Variants in CNTNAP2 observed in about 807,000 individuals in gnomAD.
CNTNAP2 encodes contactin associated protein 2.
In CNTNAP2, 98 loss-of-function variants were observed where a neutral mutation model predicts 155.2. That is an observed-to-expected ratio of 0.63 (90% CI 0.54 to 0.75). CNTNAP2 has a LOEUF of 0.75. Ranked by LOEUF, CNTNAP2 falls within the 30% of genes least tolerant of loss-of-function variation. The pLI, the probability that CNTNAP2 is intolerant of heterozygous loss-of-function variation, is 0.00. For missense variants in CNTNAP2, 1,727 were observed against 1,688.1 expected, an observed-to-expected ratio of 1.02 and a Z score of -0.40; for synonymous variants, 651 against 631.2, an observed-to-expected ratio of 1.03 and a Z score of -0.47.
At chr7:148,065,545 T>A (rs570838636) in intron 15 of CNTNAP2, among the ~76,000 whole-genome samples, 40 of 152,342 alleles carry the variant, frequency 2.6e-4, no homozygotes, top group African/African-American at 7.5e-4. Context: ...ATAATGTACC[T>A]CTTCGTCTTT....
intron 13 of CNTNAP2, among the ~76,000 whole-genome samples, chr7:147,791,451 C>CT (rs1240752761): frequency 0.034 from 4,501 of 131,878 alleles, 204 homozygotes; most frequent in African/African-American, 0.12. Flanking sequence ...GTCTCTCTCT[C>CT]TCTTTTTTTT....
At position 148,136,016 on chromosome 7, in the gene CNTNAP2, G is replaced by T. The variant is rs1804937253; in HGVS notation, c.2555-11475G>T. Among the ~76,000 whole-genome samples, 3 of 53,732 alleles carry T rather than the reference G, an allele frequency of 5.6e-5. No individual in the cohort carries two copies. The South Asian group carries it at 2.7e-3, about 49-fold the overall frequency. 35.3% of individuals were successfully genotyped at this position (53,732 alleles called of 152,430 possible). Reference sequence around the variant, plus strand: ...GGAAGGAAGGAAGGAAGGAAGGAAGGAAGGGAGGGAGGGAGGGAGGGAGGG... The same window carrying T: ...GGAAGGAAGGAAGGAAGGAAGGAAGTAAGGGAGGGAGGGAGGGAGGGAGGG... On this transcript the variant is annotated intron_variant, in intron 16 of 23. Transcript: ENST00000361727.
At chr7:147,673,763 A>G (rs1337917826) in intron 13 of CNTNAP2, among the ~76,000 whole-genome samples, 2 of 152,186 alleles carry the variant, frequency 1.3e-5, no homozygotes, top group Non-Finnish European at 2.9e-5. Context: ...CTGAAATGAG[A>G]CTGTGTTTTC....
chr7:147,344,719 T>G (rs1795820389), intron 9 of CNTNAP2, among the ~76,000 whole-genome samples: 2 of 152,196 alleles, frequency 1.3e-5, no homozygotes, highest in African/African-American at 4.8e-5. Flanking sequence ...TTGTCTTAGT[T>G]CTTTAAAGGA....
At chr7:146,463,090 G>C (rs1796662979) in intron 1 of CNTNAP2, among the ~76,000 whole-genome samples, 1 of 151,668 alleles carries the variant, frequency 6.6e-6, no homozygotes, top group South Asian at 2.1e-4. Context: ...AAGTATTAGA[G>C]GATAAATGGG....
At chr7:146,204,929 T>G (rs913260611) in intron 1 of CNTNAP2, among the ~76,000 whole-genome samples, 1 of 151,972 alleles carries the variant, frequency 6.6e-6, no homozygotes, top group African/African-American at 2.4e-5. Context: ...AAAATATACT[T>G]CCCTAAAAGA....
At chr7:146,469,340 G>A (rs1245612611) in intron 1 of CNTNAP2, among the ~76,000 whole-genome samples, 1 of 151,244 alleles carries the variant, frequency 6.6e-6, no homozygotes, top group Non-Finnish European at 1.5e-5. Context: ...CCCAGAGACT[G>A]CTCCCCAAAG....
chr7:146,426,830 A>T (rs1165119337), intron 1 of CNTNAP2, among the ~76,000 whole-genome samples: 7 of 151,800 alleles, frequency 4.6e-5, no homozygotes, highest in Non-Finnish European at 1.5e-5. Flanking sequence ...AATTGATAAA[A>T]GAGTAGATTG....
chr7:146,721,155 A>C (rs1169917822), intron 1 of CNTNAP2, among the ~76,000 whole-genome samples: 1 of 132,946 alleles, frequency 7.5e-6, no homozygotes, highest in Non-Finnish European at 1.5e-5. Flanking sequence ...TATATTCTAT[A>C]TATATATTCT....
intron 15 of CNTNAP2, among the ~76,000 whole-genome samples, chr7:148,067,828 C>T (rs1803296922): frequency 1.3e-5 from 2 of 152,194 alleles, no homozygotes; most frequent in Admixed American, 1.3e-4. Flanking sequence ...CTTGCTGCAG[C>T]CACTTTGAGG....
intron 8 of CNTNAP2, among the ~76,000 whole-genome samples, chr7:147,206,732 T>C (rs1490286196): frequency 6.6e-6 from 1 of 152,150 alleles, no homozygotes. Context: ...TTCCTATTTT[T>C]TGACTCACTC....
At chr7:147,617,996 A>G (rs1424255094) in intron 12 of CNTNAP2, among the ~76,000 whole-genome samples, 3 of 152,180 alleles carry the variant, frequency 2.0e-5, no homozygotes, top group Non-Finnish European at 2.9e-5. Context: ...CATCTTTCTT[A>G]TAGTTAGTGT....
At chr7:147,722,944 C>T (rs1212531125) in intron 13 of CNTNAP2, among the ~76,000 whole-genome samples, 1 of 152,060 alleles carries the variant, frequency 6.6e-6, no homozygotes, top group Non-Finnish European at 1.5e-5. Context: ...TCACTTTCCT[C>T]ATATCACACT....
rs568353547 is a variant in CNTNAP2 at position 147,878,281 on chromosome 7, T to C, written c.2099-25284T>C. ...ATTGTTCAGTAAATGATGATGATGATGATAGTGATGATGATGATGATTTTC... is the reference window on the plus strand; with the variant it reads ...ATTGTTCAGTAAATGATGATGATGACGATAGTGATGATGATGATGATTTTC... On this transcript the variant is annotated intron_variant, in intron 13 of 23. Coordinates refer to ENST00000361727, the MANE Select transcript of CNTNAP2 (RefSeq NM_014141.6). Among the ~76,000 whole-genome samples, 7 of 152,232 alleles carry C rather than the reference T, an allele frequency of 4.6e-5. No homozygotes were observed. In the South Asian group the frequency reaches 1.2e-3, roughly 27 times the overall value.
intron 13 of CNTNAP2, among the ~76,000 whole-genome samples, chr7:147,790,812 C>A (rs1219931228): frequency 6.6e-6 from 1 of 152,230 alleles, no homozygotes; most frequent in South Asian, 2.1e-4. Context: ...ACCTATGTGG[C>A]AGTTTTTATG....
chr7:148,360,135 G>A (rs2116614769), intron 21 of CNTNAP2, among the ~76,000 whole-genome samples: 1 of 152,302 alleles, frequency 6.6e-6, no homozygotes, highest in Non-Finnish European at 1.5e-5. Flanking sequence ...TAAACAGCAA[G>A]GCAGTGACAA....
intron 1 of CNTNAP2, among the ~76,000 whole-genome samples, chr7:146,355,266 C>T (rs1171797262): frequency 6.6e-6 from 1 of 152,154 alleles, no homozygotes; most frequent in African/African-American, 2.4e-5. Context: ...ATAGCCAGTA[C>T]ATAAAAATTC....
intron 14 of CNTNAP2, among the ~76,000 whole-genome samples, chr7:147,945,122 T>C (rs1056125818): frequency 1.3e-5 from 2 of 152,200 alleles, no homozygotes; most frequent in African/African-American, 4.8e-5. Context: ...TGGAGAAAAA[T>C]TATGTCTTCT....
intron 3 of CNTNAP2, among the ~76,000 whole-genome samples, chr7:146,987,995 C>T (rs756331654): frequency 2.0e-5 from 3 of 151,978 alleles, no homozygotes; most frequent in South Asian, 2.1e-4. Flanking sequence ...TCCAAATTCC[C>T]GTAACTCTAT....
Sources: allele counts gnomAD v4.1 joint callset (sites outside exome capture counted in the v4.1 genomes callset), GRCh38; gene constraint gnomAD v4.1.1; transcripts MANE v1.5; gene names NCBI Gene and HGNC (gene_info 2026-07-23, HGNC 2026-07-21).